The following KIF26B variants were observed in gnomAD, a reference collection of about 807,000 sequenced individuals.
KIF26B encodes the protein kinesin-like protein KIF26B.
Under a neutral mutation model 151.2 loss-of-function variants are expected in KIF26B, and 63 were observed. The observed-to-expected ratio is 0.42, with a 90% CI of 0.34 to 0.51. The LOEUF (loss-of-function observed/expected upper bound fraction) is 0.51. Among genes scored for constraint, KIF26B ranks in the 20% least tolerant of loss-of-function variants. The probability of loss-of-function intolerance (pLI) is 0.07; values close to 1 mark genes in which losing one functional copy is unlikely to be tolerated. For missense variants in KIF26B, 2,813 were observed against 2,913.6 expected (o/e 0.97, Z 0.79); for synonymous variants, 1,357 against 1,262.1 (o/e 1.08, Z -1.59).
At chr1:245,594,463 A>C (rs1027089920) in intron 5 of KIF26B, among the ~76,000 whole-genome samples, 1 of 152,210 alleles carries the variant, frequency 6.6e-6, no homozygotes, top group Non-Finnish European at 1.5e-5. Context: ...GGTTTGTCAA[A>C]GACCAGATTA....
Position 245,702,478 on chromosome 1 carries a change from G to A in KIF26B, c.6199G>A (p.Glu2067Lys), listed in dbSNP as rs1363802656. The change falls in exon 15 of 15, where the codon GAG becomes AAG. Residue 2067 changes from glutamate to lysine, a missense_variant. Around this residue, in one of 3 missense-constraint regions of KIF26B, gnomAD observed 2,060 missense variants for 2,088.6 expected, o/e 0.99. Coordinates refer to ENST00000407071, the MANE Select transcript of KIF26B (RefSeq NM_018012.4). The surrounding 1 kb of genome is among the most constrained non-coding windows in gnomAD (Gnocchi z 4.1). ...TGCAGTTGACTTGGAGCAGGTTTGG[G>A]AGCTGGATTCCCTGGAGTACCTGGA... ...LSEFDLEQVW[E>K]LDSLEYLEAL... 6.2e-7 allele frequency: 1 copy of A among 1,613,956 alleles called. No homozygotes were observed. Among genetic ancestry groups the A allele is most frequent in the Non-Finnish European group, 8.5e-7 (1 of 1,179,876 alleles).
In KIF26B at chr1:245,219,127, C is replaced by CTTTTT. The variant is rs1166578525; in HGVS notation, c.465+62469_465+62473dup. 5.0e-3 allele frequency among the ~76,000 whole-genome samples: 281 copies of CTTTTT among 56,180 alleles called. 28 individuals are homozygous for CTTTTT. The highest frequency in any genetic ancestry group is 0.019 in the East Asian group (33 of 1,696). The allele number at this position is 56,180 out of a possible 152,430, so 36.9% of individuals were successfully genotyped here. The stretch of plus-strand genomic sequence containing the variant: ...CACAGGAGGTAGCAAATACCTACCT[C>CTTTTT]TTTTTTTTTTTTTTTTTTTTTTTTT... On this transcript the variant is annotated intron_variant, in intron 2 of 14. Coordinates refer to ENST00000407071, the MANE Select transcript of KIF26B (RefSeq NM_018012.4).
At chr1:245,498,204 T>C (rs186445251) in intron 4 of KIF26B, among the ~76,000 whole-genome samples, 66 of 152,322 alleles carry the variant, frequency 4.3e-4, no homozygotes, top group African/African-American at 1.5e-3. Flanking sequence ...GCCTGGGCTG[T>C]CACACTTTAT....
At chr1:245,236,234 G>A (rs555012492) in intron 2 of KIF26B, among the ~76,000 whole-genome samples, 10 of 152,074 alleles carry the variant, frequency 6.6e-5, no homozygotes, top group Non-Finnish European at 1.5e-4. Flanking sequence ...CATCACTTAT[G>A]TTTTAATGAC....
rs775058872 is a variant in KIF26B, at chr1:245,646,183, A to G, written c.2161A>G (p.Lys721Glu). ...CGGCAGCTGTGTGAAAGCTCTTAGC[A>G]AAAATCGAGAAGGAGGCTCAGGGCT... ...DLGSCVKALS[K>E]NREGGSGLCL... is the part of the protein sequence containing the mutation. Residue 721 changes from lysine to glutamate, a missense_variant, in exon 10 of 15, where the codon AAA (lysine) becomes GAA (glutamate). Transcript: ENST00000407071. 6.8e-6 allele frequency: 11 copies of G among 1,613,896 alleles called. No homozygotes were observed. The highest frequency in any genetic ancestry group is 2.7e-5 in the African/African-American group (2 of 74,940).
Position 245,687,943 on chromosome 1 carries a change from C to G in KIF26B, c.4960C>G (p.Leu1654Val). 1 of 1,593,368 alleles carries G rather than the reference C, an allele frequency of 6.3e-7. No individual in the cohort carries two copies. Among genetic ancestry groups the G allele is most frequent in the Non-Finnish European group, 8.5e-7 (1 of 1,171,766 alleles). Residue 1654 changes from leucine to valine, a missense_variant, in exon 12 of 15, where the codon CTC becomes GTC. This residue lies in a region of KIF26B where 2,060 missense variants were observed against 2,088.6 expected (regional missense o/e 0.99). Coordinates refer to ENST00000407071, the MANE Select transcript of KIF26B (RefSeq NM_018012.4). This position sits in a 1 kb window ranked among gnomAD's most constrained non-coding sequence, Gnocchi z 4.9. ...KTKDASSSSK[L>V]FSAKLEQLAS... ...GAAGGACGCCAGCAGCAGCAGCAAG[C>G]TCTTCAGTGCCAAGCTGGAGCAGCT...
intron 12 of KIF26B, among the ~76,000 whole-genome samples, chr1:245,696,998 C>T (rs2044703835): frequency 6.6e-6 from 1 of 152,146 alleles, no homozygotes; most frequent in South Asian, 2.1e-4. Flanking sequence ...GTAGTCCCAG[C>T]TACTTGGGAG....
rs575182859 is a variant in KIF26B at position 245,600,599 on chromosome 1, T to G, written c.1351-1978T>G. 4.0e-4 allele frequency among the ~76,000 whole-genome samples: 60 copies of G among 150,168 alleles called. 1 individual carries two copies. The highest frequency in any genetic ancestry group is 7.8e-4 in the Non-Finnish European group (53 of 67,640). Reference sequence around the variant, plus strand: ...GCCCACATGCTGGGCATTCAATTCCTAGATCTCTTCCTCCCTCCTCTCTTG... The same window carrying G: ...GCCCACATGCTGGGCATTCAATTCCGAGATCTCTTCCTCCCTCCTCTCTTG... On this transcript the variant is annotated intron_variant, in intron 5 of 14. Transcript: ENST00000407071.
chr1:245,584,866 C>T (rs2043208162), intron 5 of KIF26B, among the ~76,000 whole-genome samples: 8 of 152,042 alleles, frequency 5.3e-5, no homozygotes, highest in Admixed American at 5.2e-4. Context: ...GAATTTTTTT[C>T]AAGTACAACT....
chr1:245,352,187 C>A lies in KIF26B; in HGVS notation c.466-14647C>A, dbSNP rs1341140318. On this transcript the variant is annotated intron_variant, in intron 2 of 14. Coordinates refer to ENST00000407071, the MANE Select transcript of KIF26B (RefSeq NM_018012.4). The surrounding 1 kb of genome is among the most constrained non-coding windows in gnomAD (Gnocchi z 5.0). ...TTGTATTGAAACCTGTAACCAAAAC[C>A]AAAGTTAAAATTGATTTTAAAGTGT... Among the ~76,000 whole-genome samples, 1 of 152,162 alleles carries A rather than the reference C, an allele frequency of 6.6e-6. No homozygotes were observed. Among genetic ancestry groups the A allele is most frequent in the Non-Finnish European group, 1.5e-5 (1 of 68,020 alleles).
chr1:245,187,583 T>A (rs7537950), intron 2 of KIF26B, among the ~76,000 whole-genome samples: 5 of 152,060 alleles, frequency 3.3e-5, no homozygotes, highest in Admixed American at 1.3e-4. Flanking sequence ...TTTAACCAGC[T>A]TGAGAGACAG....
At chr1:245,394,074 C>T (rs753891674) in intron 3 of KIF26B, among the ~76,000 whole-genome samples, 2 of 152,126 alleles carry the variant, frequency 1.3e-5, no homozygotes, top group East Asian at 1.9e-4. Flanking sequence ...GAGGTCTGAA[C>T]GGTGTTGTTT....
At chr1:245,328,689 A>AC (rs1364372913) in intron 2 of KIF26B, among the ~76,000 whole-genome samples, 2 of 152,196 alleles carry the variant, frequency 1.3e-5, no homozygotes, top group Non-Finnish European at 2.9e-5. Flanking sequence ...AGGAAAGGGC[A>AC]CGACACTCAT....
At chr1:245,175,198 T>C (rs1668781641) in intron 2 of KIF26B, among the ~76,000 whole-genome samples, 1 of 152,128 alleles carries the variant, frequency 6.6e-6, no homozygotes, top group East Asian at 1.9e-4. Flanking sequence ...AGATTCAGCA[T>C]AGTGACCCAG....
At chr1:245,200,660 TTG>T (rs1468504950) in intron 2 of KIF26B, among the ~76,000 whole-genome samples, 1 of 152,200 alleles carries the variant, frequency 6.6e-6, no homozygotes, top group South Asian at 2.1e-4. Context: ...GGGTAAAAAA[TTG>T]TTACCATAAA....
intron 5 of KIF26B, among the ~76,000 whole-genome samples, chr1:245,581,768 A>C (rs1350364055): frequency 6.6e-6 from 1 of 152,064 alleles, no homozygotes; most frequent in Non-Finnish European, 1.5e-5. Flanking sequence ...GAAACCCAAC[A>C]AGGCAGGCTG....
Position 245,688,748 on chromosome 1 carries a change from G to A in KIF26B, c.5765G>A (p.Ser1922Asn), listed in dbSNP as rs776611433. 9 of 1,602,820 alleles carry A rather than the reference G, an allele frequency of 5.6e-6. No homozygotes were observed. The highest frequency in any genetic ancestry group is 1.1e-5 in the South Asian group (1 of 90,410). Reference sequence around the variant, plus strand: ...GCGCAGGACTCCACGAGCGAGAACAGCAGCTCCGTGGGCGGCAGGTGCCGG... The same window carrying A: ...GCGCAGGACTCCACGAGCGAGAACAACAGCTCCGTGGGCGGCAGGTGCCGG... ...SSAQDSTSEN[S>N]SSVGGRCRSL... Residue 1922 changes from serine to asparagine, a missense_variant, in exon 12 of 15, where the codon AGC (serine) becomes AAC (asparagine). Ser to Asn is a conservative substitution (Grantham distance 46). Transcript: ENST00000407071.
intron 2 of KIF26B, among the ~76,000 whole-genome samples, chr1:245,338,032 C>T (rs1316561714): frequency 2.0e-5 from 3 of 152,218 alleles, no homozygotes; most frequent in Non-Finnish European, 4.4e-5. Context: ...TCTCTAAGCA[C>T]AGCCGTCTGG....
In KIF26B at chr1:245,686,936, T is replaced by C; in HGVS notation, c.3953T>C (p.Phe1318Ser). The C allele has an allele frequency of 6.2e-7, 1 of 1,613,308 alleles. No homozygotes were observed. The highest frequency in any genetic ancestry group is 8.5e-7 in the Non-Finnish European group (1 of 1,179,782). ...ATGGCAGAACCTGTGGCCTCGGAGT[T>C]TGTCAGCAGCCTCCAGAACACCGCT... ...EAMAEPVASE[F>S]VSSLQNTAVV... Residue 1318 changes from phenylalanine to serine, a missense_variant, in exon 12 of 15, where the codon TTT (phenylalanine) becomes TCT (serine). Physicochemically the swap from Phe to Ser is radical, Grantham distance 155 (BLOSUM62 -2). Coordinates refer to ENST00000407071, the MANE Select transcript of KIF26B (RefSeq NM_018012.4). This position sits in a 1 kb window ranked among gnomAD's most constrained non-coding sequence, Gnocchi z 5.6.
Sources: gnomAD v4.1 joint callset for allele counts (sites outside exome capture counted in the v4.1 genomes callset) on GRCh38, gnomAD v4.1.1 for gene constraint, gnomAD v4.1.1 regional missense constraint, Gnocchi (gnomAD v3.1) non-coding constraint, MANE v1.5 for transcripts, NCBI Gene and HGNC (gene_info 2026-07-23, HGNC 2026-07-21) for gene names.